NUP214: variants seen among roughly 807,000 people sequenced by gnomAD.
NUP214 encodes the protein nucleoporin 214.
In NUP214, 79 loss-of-function variants were observed where a neutral mutation model predicts 196.2. The ratio of observed to expected loss-of-function variants is 0.40; its 90% CI spans 0.34 to 0.49. NUP214 has a LOEUF of 0.49. NUP214 is among the 20% of genes least tolerant of loss of function. The pLI is 0.58. For synonymous variants in NUP214, 1,020 were observed against 990.5 expected (o/e 1.03, Z -0.56); for missense variants, 2,468 against 2,539.0 (o/e 0.97, Z 0.60).
At position 131,189,139 on chromosome 9, in the gene NUP214, T is replaced by C. The variant is rs372914318; in HGVS notation, c.3574+8T>C. 2.9e-5 allele frequency: 46 copies of C among 1,612,968 alleles called. No individual in the cohort carries two copies. The highest frequency in any genetic ancestry group is 3.8e-5 in the Non-Finnish European group (45 of 1,179,076). On this transcript the variant is annotated splice_region_variant and intron_variant, in intron 26 of 35. Coordinates refer to ENST00000359428, the MANE Select transcript of NUP214 (RefSeq NM_005085.4). ...CTGGTGACAAAGCTTCAGGTCAGTTTGCATTTTTGTTTTCTTGAAAAGTGA... is the reference window on the plus strand; with the variant it reads ...CTGGTGACAAAGCTTCAGGTCAGTTCGCATTTTTGTTTTCTTGAAAAGTGA...
chr9:131,132,524 A>C, intron 5 of NUP214, 72 bp from the exon 6 acceptor site: 1 of 1,306,044 alleles, frequency 7.7e-7, no homozygotes, highest in Non-Finnish European at 1.1e-6. Flanking sequence ...GGAATAGATT[A>C]GATTTGACAG....
intron 9 of NUP214, chr9:131,136,391 G>T (rs2133464864): frequency 2.4e-5 from 4 of 165,016 alleles, no homozygotes; most frequent in Admixed American, 2.3e-4. Flanking sequence ...AGAGTGCCTT[G>T]GCCAAATGGC....
Position 131,163,081 on chromosome 9 carries a change from C to G in NUP214, c.2631C>G (p.His877Gln), listed in dbSNP as rs149009764. 1 of 1,614,146 alleles carries G rather than the reference C, an allele frequency of 6.2e-7. No individual in the cohort carries two copies. Among genetic ancestry groups the G allele is most frequent in the Non-Finnish European group, 8.5e-7 (1 of 1,180,006 alleles). The change falls in exon 19 of 36, where the codon CAC becomes CAG. Residue 877 changes from histidine to glutamine, a missense_variant. By Grantham distance (24) the His-to-Gln change is conservative (BLOSUM62 0). Transcript: ENST00000359428. Reference sequence around the variant, plus strand: ...ACCAACAGAGGAAGAGGCTGAATCACCTGGTGGATAGTCTTCAGCAGCTCC... The same window carrying G: ...ACCAACAGAGGAAGAGGCTGAATCAGCTGGTGGATAGTCTTCAGCAGCTCC... ...IINQQRKRLN[H>Q]LVDSLQQLRL...
At chr9:131,148,277 CTT>C (rs1330848426) in intron 14 of NUP214, among the ~76,000 whole-genome samples, 1 of 152,128 alleles carries the variant, frequency 6.6e-6, no homozygotes, top group Non-Finnish European at 1.5e-5. Context: ...TATCTGGCTG[CTT>C]TGTTCAACAT....
Position 131,128,417 on chromosome 9 carries a change from G to C in NUP214, c.327G>C (p.Ala109=), listed in dbSNP as rs139724344. 6.2e-7 allele frequency: 1 copy of C among 1,613,550 alleles called. No individual in the cohort carries two copies. Among genetic ancestry groups the C allele is most frequent in the African/African-American group, 1.3e-5 (1 of 74,860 alleles). ...ALSCDNLTLS[A]CMMSSEYGSI... ...GCTGTGATAACCTCACACTCTCTGC[G>C]TGCATGATGTCCAGTGAATATGGTT... The change falls in exon 3 of 36, where the codon GCG becomes GCC. Residue 109 remains alanine (A), a synonymous_variant. Transcript: ENST00000359428.
chr9:131,134,943 C>A lies in NUP214; in HGVS notation c.877C>A (p.Pro293Thr). 6.2e-7 allele frequency: 1 copy of A among 1,613,798 alleles called. No individual in the cohort carries two copies. Among genetic ancestry groups the A allele is most frequent in the East Asian group, 2.2e-5 (1 of 44,878 alleles). Residue 293 changes from proline (P) to threonine (T), a missense_variant, in exon 8 of 36, where the codon CCC becomes ACC. Transcript: ENST00000359428. ...HPEIFVNFME[P>T]CYGSCTERQH... ...AGAGATATTTGTGAACTTTATGGAG[C>A]CCTGTTATGGCAGCTGCACGGAGAG...
chr9:131,144,234 C>T (rs1304265185), intron 11 of NUP214, 46 bp from the exon 12 acceptor site: 1 of 1,395,680 alleles, frequency 7.2e-7, no homozygotes, highest in Non-Finnish European at 1.0e-6. Flanking sequence ...TGTGAACCTC[C>T]ACTGTTACAG....
intron 14 of NUP214, among the ~76,000 whole-genome samples, chr9:131,149,227 A>G (rs530165560): frequency 6.6e-6 from 1 of 152,276 alleles, no homozygotes; most frequent in East Asian, 1.9e-4. Context: ...GATGCATGAC[A>G]TACAGTGTTT....
chr9:131,161,096 C>CT (rs1832618412), intron 18 of NUP214, among the ~76,000 whole-genome samples: 1 of 151,974 alleles, frequency 6.6e-6, no homozygotes, highest in Non-Finnish European at 1.5e-5. Flanking sequence ...AGAAGCCAAG[C>CT]TTTTTTTTCC....
intron 18 of NUP214, among the ~76,000 whole-genome samples, chr9:131,160,668 A>G (rs985581728): frequency 4.6e-5 from 7 of 152,266 alleles, no homozygotes; most frequent in African/African-American, 1.7e-4. Flanking sequence ...TTTCAGTGGG[A>G]CAACCTGGGT....
At position 131,163,190 on chromosome 9, in the gene NUP214, C is replaced by T; in HGVS notation, c.2723+17C>T. 1 of 1,596,572 alleles carries T rather than the reference C, an allele frequency of 6.3e-7. No individual in the cohort carries two copies. Among genetic ancestry groups the T allele is most frequent in the Non-Finnish European group, 8.5e-7 (1 of 1,173,718 alleles). ...CATTCACAGGTGTGGAGAGGACTTG[C>T]ACTCAATAAATATGGGTGAATGAAT... On this transcript the variant is annotated intron_variant, in intron 19 of 35. Transcript: ENST00000359428.
rs200377608 is a variant in NUP214 at position 131,139,255 on chromosome 9, CTTTTTT to C, written c.1006-8_1006-3del. 38 of 1,092,974 alleles carry C rather than the reference CTTTTTT, an allele frequency of 3.5e-5. No individual in the cohort carries two copies. The highest frequency in any genetic ancestry group is 8.9e-5 in the Admixed American group (2 of 22,454). 67.7% of individuals were successfully genotyped at this position (1,092,974 alleles called of 1,614,324 possible). The stretch of plus-strand genomic sequence containing the variant: ...CTTTTTCTTTTTTCTTCTTCTTCTT[CTTTTTT>C]TTTTTTTTTTTTTTTTTAGATTAAT... On this transcript the variant is annotated intron_variant, in intron 9 of 35. Coordinates refer to ENST00000359428, the MANE Select transcript of NUP214 (RefSeq NM_005085.4).
intron 30 of NUP214, among the ~76,000 whole-genome samples, chr9:131,210,141 CA>C (rs1184822266): frequency 6.6e-6 from 1 of 152,174 alleles, no homozygotes; most frequent in Non-Finnish European, 1.5e-5. Flanking sequence ...TTCCATAATA[CA>C]AACATACAGA....
rs1280976587 is a variant in NUP214 at position 131,232,748 on chromosome 9, G to A, written c.6239+440G>A. The stretch of plus-strand genomic sequence containing the variant: ...AGTCTTAGCCAGGTGGGTGGTTCAC[G>A]CCTATAATCCCAGCACTTTGGGAGG... On this transcript the variant is annotated intron_variant, in intron 35 of 35. Coordinates refer to ENST00000359428, the MANE Select transcript of NUP214 (RefSeq NM_005085.4). This position sits in a 1 kb window ranked among gnomAD's most constrained non-coding sequence, Gnocchi z 5.1. 3.2e-5 allele frequency: 7 copies of A among 222,100 alleles called. No individual in the cohort carries two copies. The highest frequency in any genetic ancestry group is 6.0e-5 in the South Asian group (1 of 16,578). The allele number at this position is 222,100 out of a possible 1,614,324, so 13.8% of individuals were successfully genotyped here.
At chr9:131,206,221 C>G (rs1410185783) in intron 30 of NUP214, among the ~76,000 whole-genome samples, 5 of 136,304 alleles carry the variant, frequency 3.7e-5, no homozygotes, top group Admixed American at 1.6e-4. Flanking sequence ...TCTCCACTCA[C>G]TGCAACCTTT....
At chr9:131,222,647 G>GCC (rs1834594435) in intron 31 of NUP214, 131 bp from the exon 32 acceptor site, 2 of 1,047,664 alleles carry the variant, frequency 1.9e-6, no homozygotes, top group South Asian at 3.7e-5. Flanking sequence ...CTGTCGCTCC[G>GCC]CTCCCTTGGC....
chr9:131,229,359 G>A (rs991881129), intron 33 of NUP214: 1 of 176,632 alleles, frequency 5.7e-6, no homozygotes, highest in Non-Finnish European at 1.2e-5. Flanking sequence ...GTTAAGGAAA[G>A]CTTTGAAAGG....
chr9:131,187,340 AG>A lies in NUP214; in HGVS notation c.3472del (p.Val1158TrpfsTer11). 3 of 1,610,712 alleles carry A rather than the reference AG, an allele frequency of 1.9e-6. No homozygotes were observed. Among genetic ancestry groups the A allele is most frequent in the Non-Finnish European group, 2.5e-6 (3 of 1,178,328 alleles). ...AKTPHPVLTP[V>X]AANQAKQGSL... is the part of the protein sequence containing the mutation. ...AAACACCTCACCCAGTGTTGACCCC[AG>A]TGGCTGCTAACCAAGCCAAGCAGGT... On this transcript the variant is annotated frameshift_variant, in exon 25 of 36. Transcript: ENST00000359428. LOFTEE classifies it high-confidence loss of function.
chr9:131,133,705 A>C (rs1436056623), intron 7 of NUP214: 1 of 152,234 alleles, frequency 6.6e-6, no homozygotes, highest in East Asian at 1.9e-4. Context: ...GAGTGTCCAC[A>C]GCATGTTCTA....
Sources: gnomAD v4.1 joint callset for allele counts (sites outside exome capture counted in the v4.1 genomes callset) on GRCh38, gnomAD v4.1.1 for gene constraint, Gnocchi (gnomAD v3.1) non-coding constraint, MANE v1.5 for transcripts, NCBI Gene and HGNC (gene_info 2026-07-23, HGNC 2026-07-21) for gene names.